The following MBNL2 variants were observed in gnomAD, a reference collection of about 807,000 sequenced individuals.
MBNL2 encodes muscleblind-like protein 2.
Under a neutral mutation model 41.9 loss-of-function variants are expected in MBNL2, and 17 were observed. The observed-to-expected ratio is 0.41, with a 90% CI of 0.28 to 0.61. The LOEUF is 0.61. Ranked by LOEUF, MBNL2 falls within the 20% of genes least tolerant of loss-of-function variation. The pLI is 0.35. For synonymous variants in MBNL2, 195 were observed against 182.9 expected (o/e 1.07, Z -0.53); for missense variants, 336 against 505.6 (o/e 0.66, Z 3.22).
At chr13:97,266,863 T>C (rs1265564919) in intron 1 of MBNL2, among the ~76,000 whole-genome samples, 1 of 152,224 alleles carries the variant, frequency 6.6e-6, no homozygotes, top group Non-Finnish European at 1.5e-5. Flanking sequence ...TATAAATTAC[T>C]TAATGGATAA....
intron 1 of MBNL2, among the ~76,000 whole-genome samples, chr13:97,245,851 A>G (rs2045354985): frequency 6.6e-6 from 1 of 152,212 alleles, no homozygotes. Context: ...TTCAGAGCCA[A>G]GTCCATGCAG....
At chr13:97,245,958 C>T (rs1451564117) in intron 1 of MBNL2, among the ~76,000 whole-genome samples, 1 of 152,132 alleles carries the variant, frequency 6.6e-6, no homozygotes, top group East Asian at 1.9e-4. Context: ...ATGTTTCAGG[C>T]ACTTTGATTT....
In MBNL2 at chr13:97,359,647, C is replaced by T. The variant is rs74863520; in HGVS notation, c.1012+2012C>T. On this transcript the variant is annotated intron_variant, in intron 7 of 8. Transcript: ENST00000679496. ...ATTGGCTGCTGTGGTTGTGTACTTC[C>T]GCCCTCTGGTGGATTCTTTAAGAAC... Among the ~76,000 whole-genome samples the T allele has an allele frequency of 6.2e-3, 948 of 152,262 alleles. 8 individuals carry two copies. The highest frequency in any genetic ancestry group is 0.021 in the African/African-American group (886 of 41,534).
chr13:97,343,896 G>A (rs1330157834), intron 4 of MBNL2, among the ~76,000 whole-genome samples: 1 of 152,088 alleles, frequency 6.6e-6, no homozygotes, highest in Non-Finnish European at 1.5e-5. Flanking sequence ...AACCTCCTCT[G>A]CCCGGGTTCA....
At chr13:97,215,443 G>A in the MBNL2 span, among the ~76,000 whole-genome samples, 2 of 152,160 alleles carry the variant, frequency 1.3e-5, no homozygotes, top group African/African-American at 2.4e-5. Context: ...ATCACACTTT[G>A]TTCCTTTTGA....
chr13:97,354,560 G>C (rs2062817653), intron 5 of MBNL2, among the ~76,000 whole-genome samples: 1 of 152,136 alleles, frequency 6.6e-6, no homozygotes. Flanking sequence ...TCACTCTAGA[G>C]ATCTCAGTTT....
intron 5 of MBNL2, among the ~76,000 whole-genome samples, chr13:97,347,431 T>C (rs12146913): frequency 6.6e-6 from 1 of 152,098 alleles, no homozygotes; most frequent in Non-Finnish European, 1.5e-5. Context: ...GAAAGAAAGG[T>C]GCATTTCTGC....
At chr13:97,335,661 G>A (rs1373675374) in intron 3 of MBNL2, among the ~76,000 whole-genome samples, 23 of 152,062 alleles carry the variant, frequency 1.5e-4, no homozygotes, top group Non-Finnish European at 1.0e-4. Flanking sequence ...CACAAGAAAA[G>A]GGCAAAGTAA....
At chr13:97,355,422 A>G (rs560973536) in intron 5 of MBNL2, among the ~76,000 whole-genome samples, 1 of 152,292 alleles carries the variant, frequency 6.6e-6, no homozygotes, top group East Asian at 1.9e-4. Flanking sequence ...AAGGTTTAGT[A>G]CTGTCTCATG....
intron 2 of MBNL2, among the ~76,000 whole-genome samples, chr13:97,310,629 G>C (rs1050142565): frequency 7.2e-5 from 11 of 151,748 alleles, no homozygotes; most frequent in Non-Finnish European, 1.5e-4. Flanking sequence ...CAGGGTTTCA[G>C]CGTGTTAGCC....
intron 2 of MBNL2, among the ~76,000 whole-genome samples, chr13:97,293,454 A>T (rs1232442559): frequency 6.6e-6 from 1 of 152,188 alleles, no homozygotes; most frequent in African/African-American, 2.4e-5. Flanking sequence ...ATGATGATCA[A>T]TGTTTGTACC....
chr13:97,381,523 T>A (rs538241576), intron 8 of MBNL2, among the ~76,000 whole-genome samples: 9 of 152,048 alleles, frequency 5.9e-5, no homozygotes, highest in African/African-American at 2.2e-4. Flanking sequence ...TTTCTGTGAT[T>A]TTTCTTGACC....
At chr13:97,214,776 A>G in the MBNL2 span, among the ~76,000 whole-genome samples, 27 of 152,226 alleles carry the variant, frequency 1.8e-4, no homozygotes, top group Non-Finnish European at 3.5e-4. Flanking sequence ...TTATAGGAGA[A>G]AGGGCGAATT....
chr13:97,180,735 C>T, the MBNL2 span, among the ~76,000 whole-genome samples: 47 of 101,938 alleles, frequency 4.6e-4, no homozygotes, highest in African/African-American at 1.8e-3. Flanking sequence ...GAGTGAGACT[C>T]CATCTAAAAA....
intron 1 of MBNL2, among the ~76,000 whole-genome samples, chr13:97,231,937 G>A (rs1388441182): frequency 1.3e-5 from 2 of 152,206 alleles, no homozygotes; most frequent in South Asian, 4.1e-4. Context: ...GGTGAATTAG[G>A]TCCAGGAGCT....
chr13:97,169,535 A>G, the MBNL2 span, among the ~76,000 whole-genome samples: 1 of 152,232 alleles, frequency 6.6e-6, no homozygotes, highest in Non-Finnish European at 1.5e-5. Flanking sequence ...GTTTTCTGAG[A>G]AAACTCAAGC....
At chr13:97,359,491 T>A (rs2153109419) in intron 7 of MBNL2, among the ~76,000 whole-genome samples, 1 of 152,336 alleles carries the variant, frequency 6.6e-6, no homozygotes, top group South Asian at 2.1e-4. Context: ...ATCATCACTT[T>A]AAAATGTTTC....
rs116955905 is a variant in MBNL2, at chr13:97,270,320, C to T, written c.-604-5312C>T. On this transcript the variant is annotated intron_variant, in intron 1 of 8. Transcript: ENST00000679496. ...AAAATATTAATTCAGTATGTAATAA[C>T]TATGAAACAATCTTAATAAGATATT... Among the ~76,000 whole-genome samples, 1,279 of 152,232 alleles carry T rather than the reference C, an allele frequency of 8.4e-3. 5 individuals carry two copies. The highest frequency in any genetic ancestry group is 0.014 in the Middle Eastern group (4 of 294).
intron 1 of MBNL2, among the ~76,000 whole-genome samples, chr13:97,235,960 GC>G (rs902229553): frequency 3.0e-4 from 45 of 152,124 alleles, no homozygotes; most frequent in African/African-American, 1.1e-3. Context: ...ATAACCGTCA[GC>G]CTATCCGCAA....
Sources: allele counts gnomAD v4.1 joint callset (sites outside exome capture counted in the v4.1 genomes callset), GRCh38; gene constraint gnomAD v4.1.1; transcripts MANE v1.5; gene names NCBI Gene and HGNC (gene_info 2026-07-23, HGNC 2026-07-21).